Variants in TRERF1 observed in about 807,000 individuals in gnomAD.
The protein encoded by TRERF1 is transcriptional regulating factor 1.
Under a neutral mutation model 122.9 loss-of-function variants are expected in TRERF1, and 27 were observed. That is an observed-to-expected ratio of 0.22 (90% confidence interval 0.16 to 0.30). The LOEUF (loss-of-function observed/expected upper bound fraction) is 0.30, where lower values mean the gene tolerates loss of function less well. Among genes scored for constraint, TRERF1 ranks in the 10% least tolerant of loss-of-function variants. The pLI, the probability that TRERF1 is intolerant of heterozygous loss-of-function variation, is 1.00. For synonymous variants in TRERF1, 636 were observed against 641.7 expected (o/e 0.99, Z 0.13); for missense variants, 1,248 against 1,560.3 (o/e 0.80, Z 3.37).
intron 2 of TRERF1, among the ~76,000 whole-genome samples, chr6:42,408,227 A>ATG (rs70987593): frequency 0.051 from 5,864 of 116,058 alleles, 217 homozygotes; most frequent in East Asian, 0.088. Context: ...ATATATATAT[A>ATG]TGTGTGTGTG....
chr6:42,412,000 C>CTT (rs5875801), intron 2 of TRERF1, among the ~76,000 whole-genome samples: 2,527 of 125,232 alleles, frequency 0.02, 69 homozygotes, highest in East Asian at 0.084. Context: ...TTAAAAAATC[C>CTT]TTTTTTTTTT....
At chr6:42,402,532 G>T (rs983531417) in intron 2 of TRERF1, among the ~76,000 whole-genome samples, 2 of 152,002 alleles carry the variant, frequency 1.3e-5, no homozygotes, top group African/African-American at 4.8e-5. Flanking sequence ...GGGGAAGGGG[G>T]GTTTCTAAGG....
chr6:42,369,430 C>T (rs1001210811), intron 2 of TRERF1, among the ~76,000 whole-genome samples: 5 of 151,996 alleles, frequency 3.3e-5, no homozygotes, highest in African/African-American at 1.2e-4. Context: ...GGCAACAGAG[C>T]GAGACTCCAA....
chr6:42,268,537 G>A lies in TRERF1; in HGVS notation c.1054C>T (p.His352Tyr), dbSNP rs758259300. 1 of 1,614,142 alleles carries A rather than the reference G, an allele frequency of 6.2e-7. No homozygotes were observed. The highest frequency in any genetic ancestry group is 8.5e-7 in the Non-Finnish European group (1 of 1,180,008). Residue 352 changes from histidine (H) to tyrosine (Y), a missense_variant, in exon 5 of 18, where the codon CAC becomes TAC. Physicochemically the swap from His to Tyr is moderately conservative, Grantham distance 83. This residue lies in a region of TRERF1 where 946 missense variants were observed against 1,073.0 expected (regional missense o/e 0.88). Coordinates refer to ENST00000372922, the Ensembl canonical transcript of TRERF1. The surrounding 1 kb of genome is among the most constrained non-coding windows in gnomAD (Gnocchi z 4.4). Reference sequence around the variant, plus strand: ...GGGGTATACTGGTGAGGGTCCCTGTGATAAGAAGGAGGCTGCAGGTGCATC... The same window carrying A: ...GGGGTATACTGGTGAGGGTCCCTGTAATAAGAAGGAGGCTGCAGGTGCATC...
At chr6:42,302,923 G>C (rs1786481666) in intron 3 of TRERF1, among the ~76,000 whole-genome samples, 1 of 152,196 alleles carries the variant, frequency 6.6e-6, no homozygotes, top group Non-Finnish European at 1.5e-5. Flanking sequence ...GTTTGTCTTA[G>C]ACAACATATG....
intron 2 of TRERF1, among the ~76,000 whole-genome samples, chr6:42,390,711 C>T (rs879283443): frequency 1.3e-5 from 2 of 152,188 alleles, no homozygotes; most frequent in Non-Finnish European, 2.9e-5. Context: ...AAAATTTCAC[C>T]GCTCCCGTCA....
At chr6:42,418,269 T>TCTTTC (rs60218584) in intron 2 of TRERF1, among the ~76,000 whole-genome samples, 110 of 130,270 alleles carry the variant, frequency 8.4e-4, no homozygotes, top group Non-Finnish European at 1.5e-3. Context: ...TTTCTTTCTT[T>TCTTTC]TTTTTTTTTT....
At chr6:42,243,209 C>G (rs1451154718) in intron 15 of TRERF1, 39 bp downstream of exon 15, 3 of 1,561,562 alleles carry the variant, frequency 1.9e-6, no homozygotes, top group South Asian at 2.2e-5. Context: ...GGGGTGGGAG[C>G]TGTCCCAGCA....
At chr6:42,333,187 A>G (rs1765531909) in intron 3 of TRERF1, among the ~76,000 whole-genome samples, 1 of 152,216 alleles carries the variant, frequency 6.6e-6, no homozygotes, top group African/African-American at 2.4e-5. Flanking sequence ...GTTAACTGAG[A>G]TGCTTCCTGA....
At chr6:42,447,829 C>T (rs903243182) in intron 2 of TRERF1, among the ~76,000 whole-genome samples, 4 of 152,128 alleles carry the variant, frequency 2.6e-5, no homozygotes, top group African/African-American at 9.7e-5. Flanking sequence ...CTCATCCTCC[C>T]AAGTAACTGG....
chr6:42,279,048 C>T (rs906109084), intron 4 of TRERF1, among the ~76,000 whole-genome samples: 1 of 152,200 alleles, frequency 6.6e-6, no homozygotes, highest in East Asian at 1.9e-4. Flanking sequence ...GAGGAGGAGG[C>T]TTCCAAAGGA....
intron 15 of TRERF1, among the ~76,000 whole-genome samples, chr6:42,241,867 G>A (rs189327785): frequency 3.3e-5 from 5 of 152,300 alleles, no homozygotes; most frequent in Non-Finnish European, 5.9e-5. Flanking sequence ...AGCCAAGGCA[G>A]GAGGACTGCT....
intron 2 of TRERF1, among the ~76,000 whole-genome samples, chr6:42,375,778 G>A (rs1302360163): frequency 6.6e-6 from 1 of 152,062 alleles, no homozygotes; most frequent in African/African-American, 2.4e-5. Context: ...GGGAAGGAGA[G>A]GGAAGGTGCA....
At chr6:42,356,558 G>A (rs1163300355) in intron 3 of TRERF1, among the ~76,000 whole-genome samples, 1 of 152,102 alleles carries the variant, frequency 6.6e-6, no homozygotes, top group Non-Finnish European at 1.5e-5. Flanking sequence ...CTCCAGAGCT[G>A]TGAAAAATAA....
intron 2 of TRERF1, among the ~76,000 whole-genome samples, chr6:42,405,965 C>A (rs1375317803): frequency 6.6e-6 from 1 of 152,138 alleles, no homozygotes; most frequent in Non-Finnish European, 1.5e-5. Flanking sequence ...GAAGCACCGT[C>A]ATTTCCAAGG....
intron 3 of TRERF1, among the ~76,000 whole-genome samples, chr6:42,362,308 A>G (rs1001787375): frequency 6.6e-6 from 1 of 152,268 alleles, no homozygotes; most frequent in African/African-American, 2.4e-5. Context: ...GCACATGCCA[A>G]GAAAACAAAA....
At chr6:42,415,274 A>G (rs1028735014) in intron 2 of TRERF1, among the ~76,000 whole-genome samples, 7 of 152,086 alleles carry the variant, frequency 4.6e-5, no homozygotes, top group African/African-American at 1.7e-4. Context: ...GGCTCTTTGT[A>G]TATTAAGAAA....
At chr6:42,403,511 A>T (rs886941532) in intron 2 of TRERF1, among the ~76,000 whole-genome samples, 1 of 152,168 alleles carries the variant, frequency 6.6e-6, no homozygotes, top group Non-Finnish European at 1.5e-5. Context: ...GAGCCAGGAG[A>T]GAGGCACGGA....
intron 16 of TRERF1, among the ~76,000 whole-genome samples, chr6:42,233,281 CTTT>C (rs926204150): frequency 1.6e-5 from 2 of 128,962 alleles, no homozygotes; most frequent in Admixed American, 1.6e-4. Flanking sequence ...AGCTTTCAAA[CTTT>C]TTTTTTTTTT....
Sources: allele counts gnomAD v4.1 joint callset (sites outside exome capture counted in the v4.1 genomes callset), GRCh38; gene constraint gnomAD v4.1.1; regional missense constraint gnomAD v4.1.1; non-coding constraint Gnocchi (gnomAD v3.1); transcripts MANE v1.5; gene names NCBI Gene and HGNC (gene_info 2026-07-23, HGNC 2026-07-21).